Variants in FOLH1 observed in about 807,000 individuals in gnomAD.
FOLH1 encodes glutamate carboxypeptidase 2.
A neutral mutation model predicts 93.9 loss-of-function variants in FOLH1; 54 were observed. The observed-to-expected ratio is 0.57, with a 90% CI of 0.46 to 0.72. The LOEUF (loss-of-function observed/expected upper bound fraction) is 0.72. Among genes scored for constraint, FOLH1 ranks in the 30% least tolerant of loss-of-function variants. FOLH1 has a pLI of 0.00. For synonymous variants in FOLH1, 249 were observed against 303.6 expected (o/e 0.82, Z 1.87); for missense variants, 571 against 892.5 (o/e 0.64, Z 4.59).
rs750141457 is a variant in FOLH1 at position 49,183,157 on chromosome 11, C to A, written c.912G>T (p.Lys304Asn). 6.2e-7 allele frequency: 1 copy of A among 1,604,558 alleles called. No homozygotes were observed. Among genetic ancestry groups the A allele is most frequent in the Non-Finnish European group, 8.5e-7 (1 of 1,176,312 alleles). Reference sequence around the variant, plus strand: ...GTTTCTTACAAACTTACTCTAGGAGCTTCTGTGCATCATAGTATCCAATTG... The same window carrying A: ...GTTTCTTACAAACTTACTCTAGGAGATTCTGTGCATCATAGTATCCAATTG... Reference protein sequence around the residue: ...VHPIGYYDAQKLLEKMGGSAP... With the variant: ...VHPIGYYDAQNLLEKMGGSAP... The change falls in exon 7 of 19, where the codon AAG becomes AAT. Residue 304 changes from lysine to asparagine, a missense_variant. Physicochemically the swap from Lys to Asn is moderately conservative, Grantham distance 94. This residue lies in a region of FOLH1 where 500 missense variants were observed against 822.9 expected (regional missense o/e 0.61). Coordinates refer to ENST00000256999, the MANE Select transcript of FOLH1 (RefSeq NM_004476.3).
Position 49,186,651 on chromosome 11 carries a change from C to A in FOLH1, c.632G>T (p.Gly211Val). Residue 211 changes from glycine (G) to valine (V), a missense_variant, in exon 5 of 19, where the codon GGA becomes GTA. Coordinates refer to ENST00000256999, the MANE Select transcript of FOLH1 (RefSeq NM_004476.3). ...VIARYGKVFR[G>V]NKVKNAQLAG... ...AGATAATTTTTACCTTACCTTATTTCCTCTGAAAACTTTCCCATATCTGGC... is the reference window on the plus strand; with the variant it reads ...AGATAATTTTTACCTTACCTTATTTACTCTGAAAACTTTCCCATATCTGGC... The A allele has an allele frequency of 6.2e-7, 1 of 1,612,524 alleles. No individual in the cohort carries two copies. Among genetic ancestry groups the A allele is most frequent in the Non-Finnish European group, 8.5e-7 (1 of 1,179,170 alleles).
chr11:49,205,013 C>A (rs1284408393), intron 2 of FOLH1, among the ~76,000 whole-genome samples: 1 of 151,954 alleles, frequency 6.6e-6, no homozygotes, highest in Admixed American at 6.6e-5. Flanking sequence ...GAGTTTGAGA[C>A]CAGCTTGACC....
intron 7 of FOLH1, among the ~76,000 whole-genome samples, chr11:49,182,790 C>T (rs901750209): frequency 1.3e-5 from 2 of 152,138 alleles, no homozygotes; most frequent in African/African-American, 2.4e-5. Context: ...CTTCCAGAAA[C>T]AGGCCTGCAG....
chr11:49,207,989 C>A, intron 1 of FOLH1: 2 of 567,206 alleles, frequency 3.5e-6, no homozygotes, highest in Non-Finnish European at 6.4e-6. Context: ...AAAAAAAAAA[C>A]TTCCTCTGTC....
intron 8 of FOLH1, among the ~76,000 whole-genome samples, chr11:49,175,393 T>C (rs1472994848): frequency 6.6e-6 from 1 of 152,160 alleles, no homozygotes; most frequent in Non-Finnish European, 1.5e-5. Context: ...GATAAAGTGA[T>C]ATGCCTCAGT....
At chr11:49,181,200 C>T (rs1328152453) in intron 7 of FOLH1, among the ~76,000 whole-genome samples, 4 of 151,484 alleles carry the variant, frequency 2.6e-5, no homozygotes, top group Non-Finnish European at 2.9e-5. Flanking sequence ...CTCTGCCTCC[C>T]GGGTTCAAGT....
intron 4 of FOLH1, among the ~76,000 whole-genome samples, chr11:49,188,105 A>G (rs1861617493): frequency 6.6e-6 from 1 of 152,228 alleles, no homozygotes. Flanking sequence ...GGTATGCTTG[A>G]AAGTCTTTTA....
intron 1 of FOLH1, chr11:49,207,636 T>C (rs554743844): frequency 3.1e-6 from 1 of 323,110 alleles, no homozygotes; most frequent in Non-Finnish European, 6.1e-6. Context: ...TTACCAATAA[T>C]TTGCAGATAA....
At chr11:49,197,824 T>G (rs1862780887) in intron 3 of FOLH1, among the ~76,000 whole-genome samples, 1 of 152,160 alleles carries the variant, frequency 6.6e-6, no homozygotes, top group African/African-American at 2.4e-5. Context: ...CATATAAGCA[T>G]GTAATTTATA....
At chr11:49,184,995 A>G (rs1232946557) in intron 6 of FOLH1, among the ~76,000 whole-genome samples, 1 of 152,196 alleles carries the variant, frequency 6.6e-6, no homozygotes, top group Non-Finnish European at 1.5e-5. Context: ...CCTGTGAATA[A>G]GAGATAATAA....
intron 10 of FOLH1, among the ~76,000 whole-genome samples, chr11:49,172,878 C>G (rs1263874665): frequency 6.6e-6 from 1 of 152,162 alleles, no homozygotes; most frequent in Non-Finnish European, 1.5e-5. Flanking sequence ...GATGTGAGAA[C>G]ACAGATTCCA....
intron 17 of FOLH1, among the ~76,000 whole-genome samples, chr11:49,151,774 A>T (rs1261408622): frequency 1.3e-5 from 2 of 152,154 alleles, no homozygotes; most frequent in African/African-American, 4.8e-5. Flanking sequence ...AATTCAAACC[A>T]TGAGACATTT....
intron 11 of FOLH1, among the ~76,000 whole-genome samples, chr11:49,170,942 C>A (rs1859185281): frequency 6.6e-6 from 1 of 152,078 alleles, no homozygotes; most frequent in Non-Finnish European, 1.5e-5. Flanking sequence ...CTCTCATACT[C>A]CCAGGAAATA....
intron 15 of FOLH1, 148 bp from the exon 16 acceptor site, chr11:49,154,640 T>G: frequency 6.9e-7 from 1 of 1,440,406 alleles, no homozygotes; most frequent in Non-Finnish European, 9.2e-7. Context: ...CCTAAATGGC[T>G]AATATTATGA....
intron 4 of FOLH1, among the ~76,000 whole-genome samples, chr11:49,187,143 C>G (rs965652524): frequency 1.3e-5 from 2 of 152,178 alleles, no homozygotes; most frequent in Admixed American, 1.3e-4. Flanking sequence ...GACCTTTTCT[C>G]TCTTCAGTGT....
At chr11:49,173,600 C>A in intron 9 of FOLH1, 124 bp from the exon 10 acceptor site, 2 of 993,384 alleles carry the variant, frequency 2.0e-6, no homozygotes, top group East Asian at 2.9e-5. Flanking sequence ...GGCTAGGTTC[C>A]CCAAGATTTG....
rs748530268 is a variant in FOLH1 at position 49,148,607 on chromosome 11, T to G, written c.2063+32A>C. 1.0e-5 allele frequency: 15 copies of G among 1,441,092 alleles called. No homozygotes were observed. The Admixed American group carries it at 3.4e-4, about 32-fold the overall frequency. 89.3% of individuals were successfully genotyped at this position (1,441,092 alleles called of 1,614,324 possible). On this transcript the variant is annotated intron_variant, in intron 18 of 18. Coordinates refer to ENST00000256999, the MANE Select transcript of FOLH1 (RefSeq NM_004476.3). The stretch of plus-strand genomic sequence containing the variant: ...AAAATAATTAGAAGAAAAAGTGATA[T>G]TACAGAAAGGAGTCATATTTTCTTT...
intron 7 of FOLH1, among the ~76,000 whole-genome samples, chr11:49,178,317 A>G (rs1860341375): frequency 6.6e-6 from 1 of 152,228 alleles, no homozygotes; most frequent in African/African-American, 2.4e-5. Context: ...AATACACTAT[A>G]AACTAATAAC....
intron 13 of FOLH1, among the ~76,000 whole-genome samples, 169 bp downstream of exon 13, chr11:49,164,536 T>A (rs977174512): frequency 3.3e-5 from 5 of 152,176 alleles, no homozygotes; most frequent in African/African-American, 1.2e-4. Flanking sequence ...AATGAGGCAA[T>A]CTGTGTAAAC....
Sources: allele counts gnomAD v4.1 joint callset (sites outside exome capture counted in the v4.1 genomes callset), GRCh38; gene constraint gnomAD v4.1.1; regional missense constraint gnomAD v4.1.1; transcripts MANE v1.5; gene names NCBI Gene and HGNC (gene_info 2026-07-23, HGNC 2026-07-21).